Variants in NKAIN2 observed in about 807,000 individuals in gnomAD.
NKAIN2 encodes the protein sodium/potassium-transporting ATPase subunit beta-1-interacting protein 2.
NKAIN2 carries 14 observed loss-of-function variants against 32.6 expected under a neutral mutation model. The ratio of observed to expected loss-of-function variants is 0.43; its 90% CI spans 0.28 to 0.67. The LOEUF (loss-of-function observed/expected upper bound fraction) is 0.67. Ranked by LOEUF, NKAIN2 falls within the 30% of genes least tolerant of loss-of-function variation. The pLI is 0.17. For synonymous variants in NKAIN2, 80 were observed against 87.2 expected (o/e 0.92, Z 0.46); for missense variants, 198 against 258.3 (o/e 0.77, Z 1.60).
chr6:124,519,051 A>G (rs1779028185), intron 3 of NKAIN2, among the ~76,000 whole-genome samples: 1 of 152,196 alleles, frequency 6.6e-6, no homozygotes, highest in South Asian at 2.1e-4. Flanking sequence ...GCAGATGTGG[A>G]CAGATAATTG....
chr6:124,433,967 A>G (rs901570919), intron 3 of NKAIN2, among the ~76,000 whole-genome samples: 6 of 152,164 alleles, frequency 3.9e-5, no homozygotes, highest in Admixed American at 6.5e-5. Flanking sequence ...CTCCATTCTC[A>G]TAGGATAAAG....
chr6:124,767,954 C>T (rs1047035702), intron 4 of NKAIN2, among the ~76,000 whole-genome samples: 25 of 152,100 alleles, frequency 1.6e-4, no homozygotes, highest in African/African-American at 5.8e-4. Context: ...ACATATTTAC[C>T]TGACTTTTGA....
At chr6:124,596,665 T>G (rs796838266) in intron 3 of NKAIN2, among the ~76,000 whole-genome samples, 13 of 80,400 alleles carry the variant, frequency 1.6e-4, no homozygotes, top group African/African-American at 3.5e-4. Flanking sequence ...AACCATAGGG[T>G]GTGTGTGTGT....
At chr6:124,333,384 T>A (rs1486141832) in intron 2 of NKAIN2, among the ~76,000 whole-genome samples, 1 of 152,070 alleles carries the variant, frequency 6.6e-6, no homozygotes, top group Non-Finnish European at 1.5e-5. Flanking sequence ...GAACTTAGGC[T>A]GGGTGCAGTG....
chr6:124,216,900 A>C (rs1407465643), intron 1 of NKAIN2, among the ~76,000 whole-genome samples: 1 of 152,188 alleles, frequency 6.6e-6, no homozygotes, highest in Non-Finnish European at 1.5e-5. Flanking sequence ...GCAATGGTTC[A>C]TGTGGATAAT....
chr6:124,741,136 G>A (rs890841110), intron 4 of NKAIN2, among the ~76,000 whole-genome samples: 5 of 151,664 alleles, frequency 3.3e-5, no homozygotes, highest in Admixed American at 1.3e-4. Context: ...TGGGGACAAC[G>A]TGAAGGAGTG....
chr6:124,619,981 C>T (rs1459312909), intron 3 of NKAIN2, among the ~76,000 whole-genome samples: 1 of 152,070 alleles, frequency 6.6e-6, no homozygotes, highest in Non-Finnish European at 1.5e-5. Context: ...TAAGACAGTG[C>T]CTGGTACCTA....
At chr6:124,329,573 T>G (rs1429322621) in intron 2 of NKAIN2, among the ~76,000 whole-genome samples, 1 of 152,162 alleles carries the variant, frequency 6.6e-6, no homozygotes, top group Admixed American at 6.5e-5. Flanking sequence ...GCAGAACTAC[T>G]CCTGGGTCCA....
intron 4 of NKAIN2, among the ~76,000 whole-genome samples, chr6:124,752,144 C>T (rs796493656): frequency 1.5e-4 from 23 of 152,100 alleles, no homozygotes; most frequent in African/African-American, 5.3e-4. Context: ...GTGGAGGTTA[C>T]AACCCCACAT....
intron 1 of NKAIN2, among the ~76,000 whole-genome samples, chr6:123,908,738 A>G (rs976846975): frequency 4.6e-5 from 7 of 152,326 alleles, no homozygotes; most frequent in Middle Eastern, 3.4e-3. Context: ...AGTAATACAG[A>G]GTTTGATTAG....
chr6:123,911,369 A>G (rs1775170253), intron 1 of NKAIN2, among the ~76,000 whole-genome samples: 1 of 152,054 alleles, frequency 6.6e-6, no homozygotes, highest in Non-Finnish European at 1.5e-5. Flanking sequence ...AAGGGAGTGG[A>G]CATCACATGG....
intron 1 of NKAIN2, among the ~76,000 whole-genome samples, chr6:124,153,010 A>C (rs1317197188): frequency 6.6e-6 from 1 of 151,856 alleles, no homozygotes; most frequent in Non-Finnish European, 1.5e-5. Flanking sequence ...GGAAGAAGAG[A>C]GGGAAGATGG....
In NKAIN2 at chr6:123,855,187, G is replaced by A. The variant is rs541723630; in HGVS notation, c.54+50933G>A. Among the ~76,000 whole-genome samples, 94 of 152,036 alleles carry A rather than the reference G, an allele frequency of 6.2e-4. 1 individual carries two copies. Among genetic ancestry groups the A allele is most frequent in the South Asian group, 4.2e-4 (2 of 4,810 alleles). ...CTTTGCCATGGGTTTTAAATTTATC[G>A]CATTTATGAATTTTCCTAATGGAAT... On this transcript the variant is annotated intron_variant, in intron 1 of 6. Transcript: ENST00000368417.
intron 1 of NKAIN2, among the ~76,000 whole-genome samples, chr6:124,052,700 A>G (rs1782467937): frequency 6.6e-6 from 1 of 152,080 alleles, no homozygotes; most frequent in African/African-American, 2.4e-5. Context: ...TATGGCAAAT[A>G]CCCTCAGTTA....
intron 3 of NKAIN2, among the ~76,000 whole-genome samples, chr6:124,429,818 G>C (rs749590387): frequency 1.3e-5 from 2 of 152,138 alleles, no homozygotes; most frequent in Non-Finnish European, 2.9e-5. Context: ...GTCTTTTCAC[G>C]TCCCTGGGCC....
chr6:124,000,087 A>G (rs1328820004), intron 1 of NKAIN2, among the ~76,000 whole-genome samples: 1 of 152,126 alleles, frequency 6.6e-6, no homozygotes, highest in Non-Finnish European at 1.5e-5. Context: ...ATCAAACAAA[A>G]CAACCAAATA....
chr6:124,202,913 A>T (rs1479598995), intron 1 of NKAIN2, among the ~76,000 whole-genome samples: 1 of 151,938 alleles, frequency 6.6e-6, no homozygotes, highest in Non-Finnish European at 1.5e-5. Flanking sequence ...CACCTACAAG[A>T]GGCATAAAGT....
At chr6:124,627,649 A>T (rs1783405603) in intron 3 of NKAIN2, among the ~76,000 whole-genome samples, 1 of 152,106 alleles carries the variant, frequency 6.6e-6, no homozygotes, top group Non-Finnish European at 1.5e-5. Context: ...TAGTCATCCT[A>T]GCTGGCTTCC....
At chr6:124,779,348 GAA>G (rs1163687801) in intron 4 of NKAIN2, among the ~76,000 whole-genome samples, 4 of 149,088 alleles carry the variant, frequency 2.7e-5, no homozygotes, top group African/African-American at 9.9e-5. Context: ...AGGAAGGAAG[GAA>G]GGAAGGAAGG....
Sources: gnomAD v4.1 joint callset for allele counts (sites outside exome capture counted in the v4.1 genomes callset) on GRCh38, gnomAD v4.1.1 for gene constraint, MANE v1.5 for transcripts, NCBI Gene and HGNC (gene_info 2026-07-23, HGNC 2026-07-21) for gene names.